Variants in TTN observed in about 807,000 individuals in gnomAD.
TTN encodes the protein connectin.
In TTN, 1,525 loss-of-function variants were observed where a neutral mutation model predicts 3,223.0. The observed-to-expected ratio is 0.47, with a 90% CI of 0.45 to 0.49. The LOEUF (loss-of-function observed/expected upper bound fraction) is 0.49, where lower values mean the gene tolerates loss of function less well. TTN is among the 20% of genes least tolerant of loss of function. TTN has a pLI of 0.00. For missense variants in TTN, 40,786 were observed against 43,424.0 expected (o/e 0.94, Z 5.40); for synonymous variants, 14,094 against 15,161.0 (o/e 0.93, Z 5.17).
chr2:178,582,950 A>C lies in TTN; in HGVS notation c.65853T>G (p.Leu21951=). 1 of 1,526,486 alleles carries C rather than the reference A, an allele frequency of 6.6e-7. No individual in the cohort carries two copies. Among genetic ancestry groups the C allele is most frequent in the Non-Finnish European group, 8.8e-7 (1 of 1,136,200 alleles). 94.6% of individuals were successfully genotyped at this position (1,526,486 alleles called of 1,614,324 possible). The change falls in exon 313 of 363, where the codon CTT becomes CTG. Residue 21951 remains leucine, a synonymous_variant. Transcript: ENST00000589042. ...SSGSKSATIK[L]KVLDKPGPPA... is the part of the protein sequence containing the mutation. The stretch of plus-strand genomic sequence containing the variant: ...AAGTTTATTAGTTACCTAACACTTT[A>C]AGCTTAATGGTGGCTGATTTAGAAC...
intron 10 of TTN, 74 bp from the exon 11 acceptor site, chr2:178,790,919 T>C (rs1476442217): frequency 6.4e-7 from 1 of 1,564,752 alleles, no homozygotes; most frequent in Non-Finnish European, 8.7e-7. Context: ...CTTGAAACAC[T>C]CAGGAAAATA....
intron 6 of TTN, among the ~76,000 whole-genome samples, chr2:178,797,261 C>T (rs1402823885): frequency 1.3e-5 from 2 of 151,938 alleles, no homozygotes; most frequent in African/African-American, 4.8e-5. Flanking sequence ...TATTCGACTG[C>T]TAGACATGTT....
In TTN at chr2:178,764,268, A is replaced by G. The variant is rs919806645; in HGVS notation, c.10023T>C (p.Pro3341=). 7 of 1,614,062 alleles carry G rather than the reference A, an allele frequency of 4.3e-6. No individual in the cohort carries two copies. Among genetic ancestry groups the G allele is most frequent in the Non-Finnish European group, 5.9e-6 (7 of 1,179,982 alleles). Residue 3341 remains proline, a synonymous_variant, in exon 43 of 363, where the codon CCT becomes CCC. Transcript: ENST00000589042. ...GGGTGATGATGGCAGGTGGATAAAC[A>G]GGCATTTCCTGATCAGGAGACACAA... is the stretch of plus-strand genomic sequence containing the variant. ...PEVVSPDQEM[P]VYPPAIITPL...
In TTN at chr2:178,721,245, A is replaced by G. The variant is rs751897134; in HGVS notation, c.22817-43T>C. On this transcript the variant is annotated intron_variant, in intron 78 of 362. Transcript: ENST00000589042. ...ACAGTCAGTAAGGGATATTTATTAT[A>G]CATGTTAAAAGAGCTTGTTTTTGTA... 6 of 1,463,400 alleles carry G rather than the reference A, an allele frequency of 4.1e-6. No homozygotes were observed. In the East Asian group the frequency reaches 1.4e-4, roughly 34 times the overall value. 90.7% of individuals were successfully genotyped at this position (1,463,400 alleles called of 1,614,324 possible). A position where few individuals can be genotyped will look rare whatever the true frequency, so the allele number is the denominator to read the frequency against.
chr2:178,694,740 GTA>G (rs1408132016), intron 116 of TTN, 64 bp from the exon 117 acceptor site: 45 of 1,498,292 alleles, frequency 3.0e-5, no homozygotes, highest in Non-Finnish European at 4.0e-5. Context: ...AAATTTAAAA[GTA>G]TTTGATTATA....
Position 178,763,476 on chromosome 2 carries a change from C to T in TTN, c.10114+701G>A, listed in dbSNP as rs146040808. On this transcript the variant is annotated intron_variant, in intron 43 of 362. Transcript: ENST00000589042. Reference sequence around the variant, plus strand: ...TATCTACTATGTATCAGGTGATATTCTGGGGCAACCATCCACTCTTGTTTT... The same window carrying T: ...TATCTACTATGTATCAGGTGATATTTTGGGGCAACCATCCACTCTTGTTTT... Among the ~76,000 whole-genome samples, 239 of 152,286 alleles carry T rather than the reference C, an allele frequency of 1.6e-3. 1 individual carries two copies. The highest frequency in any genetic ancestry group is 5.6e-3 in the African/African-American group (232 of 41,556).
chr2:178,803,126 G>T (rs1255095986), intron 2 of TTN, among the ~76,000 whole-genome samples: 1 of 152,200 alleles, frequency 6.6e-6, no homozygotes, highest in Non-Finnish European at 1.5e-5. Context: ...CATAAAGGTT[G>T]ATGCTCTATC....
At chr2:178,689,426 G>C (rs1442572454) in intron 123 of TTN, 53 bp from the exon 124 acceptor site, 1 of 1,606,482 alleles carries the variant, frequency 6.2e-7, no homozygotes, top group Non-Finnish European at 8.5e-7. Context: ...AAATAAATGA[G>C]CAACATAGAA....
chr2:178,688,304 A>C, intron 126 of TTN, 80 bp from the exon 127 acceptor site: 1 of 1,244,152 alleles, frequency 8.0e-7, no homozygotes, highest in Non-Finnish European at 1.2e-6. Flanking sequence ...CTACAGATGG[A>C]TAACTGTTCT....
chr2:178,564,787 GTTC>G lies in TTN; in HGVS notation c.81342_81344del (p.Lys27114del). 6.2e-7 allele frequency: 1 copy of G among 1,612,174 alleles called. No individual in the cohort carries two copies. The highest frequency in any genetic ancestry group is 8.5e-7 in the Non-Finnish European group (1 of 1,179,060). ...TATTTAACTTGACCCATAAAATACT[GTTC>G]TTTTCTTTCTGTTCAAGATGGTAGC... On this transcript the variant is annotated inframe_deletion, in exon 326 of 363. Coordinates refer to ENST00000589042, the MANE Select transcript of TTN (RefSeq NM_001267550.2).
rs397517731 is a variant in TTN, at chr2:178,561,092, A to G, written c.85040T>C (p.Ile28347Thr). 33 of 1,613,780 alleles carry G rather than the reference A, an allele frequency of 2.0e-5. No homozygotes were observed. The highest frequency in any genetic ancestry group is 2.8e-5 in the Non-Finnish European group (33 of 1,179,832). ...SEPSESTGPI[I>T]VKDDVEPPRV... ...TGGAGGCTCAACATCATCTTTAACT[A>G]TAATAGGCCCAGTGGATTCAGATGG... The change falls in exon 326 of 363, where the codon ATA (isoleucine) becomes ACA (threonine). Residue 28347 changes from isoleucine (I) to threonine (T), a missense_variant. Transcript: ENST00000589042.
rs758552759 is a variant in TTN at position 178,532,297 on chromosome 2, A to G, written c.104318T>C (p.Leu34773Ser). Residue 34773 changes from leucine (L) to serine (S), a missense_variant, in exon 358 of 363, where the codon TTG becomes TCG. Coordinates refer to ENST00000589042, the MANE Select transcript of TTN (RefSeq NM_001267550.2). ...CTGGGTGGTCGTAACTGGGCGAAGC[A>G]ACTCTTCATCCTCCCTCTCAGCCAT... ...RIMAEREDEELLRPVTTTQHL... is the reference protein window; with the variant it reads ...RIMAEREDEESLRPVTTTQHL... 3 of 1,613,950 alleles carry G rather than the reference A, an allele frequency of 1.9e-6. No individual in the cohort carries two copies. Among genetic ancestry groups the G allele is most frequent in the Non-Finnish European group, 2.5e-6 (3 of 1,179,882 alleles).
chr2:178,800,251 T>C (rs766249125), intron 4 of TTN, 144 bp downstream of exon 4: 3 of 1,079,878 alleles, frequency 2.8e-6, no homozygotes, highest in Non-Finnish European at 4.0e-6. Context: ...CAGGGACTTT[T>C]CATGGGTGTC....
In TTN at chr2:178,678,778, AACTGGT is replaced by A. The variant is rs1228709484; in HGVS notation, c.33789_33794del (p.Val11265_Pro11266del). On this transcript the variant is annotated inframe_deletion, in exon 143 of 363. Transcript: ENST00000589042. Reference sequence around the variant, plus strand: ...CAGGTGGAGCTTCCACCTTTTTAGGAACTGGTACTGGTACTTTCTCCTCTGGCACAG... The same window carrying A: ...CAGGTGGAGCTTCCACCTTTTTAGGAACTGGTACTTTCTCCTCTGGCACAG... 3 of 1,605,262 alleles carry A rather than the reference AACTGGT, an allele frequency of 1.9e-6. No homozygotes were observed. The South Asian group carries it at 3.4e-5, about 18-fold the overall frequency.
rs10684593 is a variant in TTN at position 178,600,410 on chromosome 2, C to CATATATATAT, written c.56050+434_56050+443dup. The stretch of plus-strand genomic sequence containing the variant: ...TAATTATCAGAGGAAGAATTATTAC[C>CATATATATAT]ATATATATATATATATATATATATA... On this transcript the variant is annotated intron_variant, in intron 288 of 362. Coordinates refer to ENST00000589042, the MANE Select transcript of TTN (RefSeq NM_001267550.2). 2.1e-3 allele frequency: 298 copies of CATATATATAT among 142,208 alleles called. 2 individuals are homozygous for CATATATATAT. Among genetic ancestry groups the CATATATATAT allele is most frequent in the East Asian group, 4.6e-3 (25 of 5,462 alleles). 8.8% of individuals were successfully genotyped at this position (142,208 alleles called of 1,614,324 possible). A position where few individuals can be genotyped will look rare whatever the true frequency, so the allele number is the denominator to read the frequency against.
chr2:178,686,492 A>G (rs944160493), intron 127 of TTN, among the ~76,000 whole-genome samples: 1 of 151,996 alleles, frequency 6.6e-6, no homozygotes, highest in African/African-American at 2.4e-5. Flanking sequence ...ATCACAGCTC[A>G]CTGTAACCTC....
chr2:178,686,427 A>T (rs10930833), intron 127 of TTN, among the ~76,000 whole-genome samples: 1 of 151,424 alleles, frequency 6.6e-6, no homozygotes, highest in Admixed American at 6.6e-5. Flanking sequence ...GCCAGTTTTA[A>T]TTTTTTTTAA....
chr2:178,531,015 G>A lies in TTN; in HGVS notation c.105600C>T (p.Ser35200=). The change falls in exon 358 of 363, where the codon AGC becomes AGT. Residue 35200 remains serine (S), a synonymous_variant. Coordinates refer to ENST00000589042, the MANE Select transcript of TTN (RefSeq NM_001267550.2). ...SVQASDEGNY[S]VVVENSEGKQ... ...TCCCTTCACTGTTTTCTACCACCAC[G>A]CTGTAATTGCCCTCATCGGAAGCCT... 5 of 1,613,834 alleles carry A rather than the reference G, an allele frequency of 3.1e-6. No homozygotes were observed. Among genetic ancestry groups the A allele is most frequent in the Middle Eastern group, 1.6e-4 (1 of 6,062 alleles).
intron 13 of TTN, among the ~76,000 whole-genome samples, chr2:178,787,372 A>C (rs2093254246): frequency 6.6e-6 from 1 of 152,130 alleles, no homozygotes; most frequent in African/African-American, 2.4e-5. Context: ...TCAGAAAAAA[A>C]CATAAAATAC....
Sources: gnomAD v4.1 joint callset for allele counts (sites outside exome capture counted in the v4.1 genomes callset) on GRCh38, gnomAD v4.1.1 for gene constraint, MANE v1.5 for transcripts, NCBI Gene and HGNC (gene_info 2026-07-23, HGNC 2026-07-21) for gene names.